The following LRBA variants were observed in gnomAD, a reference collection of about 807,000 sequenced individuals.
The protein encoded by LRBA is lipopolysaccharide-responsive and beige-like anchor protein.
LRBA carries 176 observed loss-of-function variants against 330.0 expected under a neutral mutation model. That is an observed-to-expected ratio of 0.53 (90% CI 0.47 to 0.60). The LOEUF (loss-of-function observed/expected upper bound fraction) is 0.60. Among genes scored for constraint, LRBA ranks in the 20% least tolerant of loss-of-function variants. The pLI, the probability that LRBA is intolerant of heterozygous loss-of-function variation, is 0.00. For missense variants in LRBA, 3,259 were observed against 3,444.8 expected (o/e 0.95, Z 1.35); for synonymous variants, 1,230 against 1,193.0 (o/e 1.03, Z -0.64).
At position 150,908,819 on chromosome 4, in the gene LRBA, A is replaced by T; in HGVS notation, c.1200T>A (p.Leu400=). 6.2e-7 allele frequency: 1 copy of T among 1,613,768 alleles called. No individual in the cohort carries two copies. Among genetic ancestry groups the T allele is most frequent in the South Asian group, 1.1e-5 (1 of 90,996 alleles). Residue 400 remains leucine (L), a synonymous_variant, in exon 10 of 57, where the codon CTT becomes CTA. Coordinates refer to ENST00000651943, the MANE Select transcript of LRBA (RefSeq NM_001364905.1). The stretch of plus-strand genomic sequence containing the variant: ...ACAATAAAAGTTTGTGATGCTCAGC[A>T]AGGAAAAGGTCGCTTTCTGCTTTGA... ...FKFKAESDLF[L]AEHHKLLLYD... is the part of the protein sequence containing the mutation.
At chr4:150,577,522 A>G (rs1770702898) in intron 40 of LRBA, among the ~76,000 whole-genome samples, 1 of 152,054 alleles carries the variant, frequency 6.6e-6, no homozygotes, top group Non-Finnish European at 1.5e-5. Context: ...TTTAGAGGAT[A>G]AGACTATATA....
intron 17 of LRBA, among the ~76,000 whole-genome samples, chr4:150,881,862 G>C (rs781467617): frequency 3.3e-5 from 5 of 152,114 alleles, no homozygotes; most frequent in Non-Finnish European, 5.9e-5. Flanking sequence ...CGAGGTGGGC[G>C]GATCACCTGA....
chr4:150,707,620 T>A (rs1785760796), intron 36 of LRBA, among the ~76,000 whole-genome samples: 3 of 151,646 alleles, frequency 2.0e-5, no homozygotes, highest in Admixed American at 2.0e-4. Context: ...AATCCATTTG[T>A]CCTAGAATTG....
chr4:150,360,169 T>TAA (rs1738484167), intron 47 of LRBA, among the ~76,000 whole-genome samples: 1 of 151,952 alleles, frequency 6.6e-6, no homozygotes, highest in African/African-American at 2.4e-5. Context: ...AAATTTTTTT[T>TAA]AAAAAATGAC....
In LRBA at chr4:150,768,927, C is replaced by CTTT. The variant is rs70941440; in HGVS notation, c.5581-7083_5581-7081dup. 3.7e-4 allele frequency among the ~76,000 whole-genome samples: 28 copies of CTTT among 75,064 alleles called. 2 individuals are homozygous for CTTT. Among genetic ancestry groups the CTTT allele is most frequent in the African/African-American group, 1.0e-3 (20 of 19,706 alleles). The allele number at this position is 75,064 out of a possible 152,430, so 49.2% of individuals were successfully genotyped here. Reference sequence around the variant, plus strand: ...TAGGGATTTTATCAAGTGCTGTCTCCTTTTTTTTTTTTTTTTTTTTTTTTT... The same window carrying CTTT: ...TAGGGATTTTATCAAGTGCTGTCTCCTTTTTTTTTTTTTTTTTTTTTTTTTTTT... On this transcript the variant is annotated intron_variant, in intron 34 of 56. Coordinates refer to ENST00000651943, the MANE Select transcript of LRBA (RefSeq NM_001364905.1).
chr4:150,422,872 C>T (rs1388044258), intron 46 of LRBA: 5 of 1,115,386 alleles, frequency 4.5e-6, no homozygotes, highest in Non-Finnish European at 4.1e-6. Context: ...ACCAGGGCCT[C>T]CTAACATGGA....
At chr4:150,576,007 T>C (rs1770491379) in intron 40 of LRBA, among the ~76,000 whole-genome samples, 2 of 151,790 alleles carry the variant, frequency 1.3e-5, no homozygotes, top group African/African-American at 4.8e-5. Flanking sequence ...CAAAGAATAA[T>C]CCACAAATTA....
intron 44 of LRBA, among the ~76,000 whole-genome samples, chr4:150,467,411 A>G (rs1189395340): frequency 1.3e-5 from 2 of 152,120 alleles, no homozygotes; most frequent in African/African-American, 2.4e-5. Context: ...AATAAAAGTG[A>G]TATTTTAAAT....
intron 37 of LRBA, among the ~76,000 whole-genome samples, chr4:150,632,645 A>G (rs1010407326): frequency 4.6e-5 from 7 of 151,724 alleles, no homozygotes; most frequent in Non-Finnish European, 1.0e-4. Flanking sequence ...CTCTCCTCCT[A>G]TCTCTCTCTC....
chr4:150,501,614 A>G (rs942313008), intron 40 of LRBA, among the ~76,000 whole-genome samples: 4 of 152,054 alleles, frequency 2.6e-5, no homozygotes, highest in Non-Finnish European at 4.4e-5. Context: ...CAAAAAAAAA[A>G]GGTATCTACA....
At chr4:150,854,853 G>A (rs1461769601) in intron 22 of LRBA, among the ~76,000 whole-genome samples, 1 of 152,192 alleles carries the variant, frequency 6.6e-6, no homozygotes, top group Non-Finnish European at 1.5e-5. Flanking sequence ...ATGTGGCCAC[G>A]AGCTAGATTA....
intron 50 of LRBA, among the ~76,000 whole-genome samples, chr4:150,320,133 G>A (rs951468149): frequency 6.6e-6 from 1 of 152,160 alleles, no homozygotes; most frequent in African/African-American, 2.4e-5. Context: ...TCTAATGAGA[G>A]AGAATACATT....
intron 40 of LRBA, among the ~76,000 whole-genome samples, chr4:150,577,802 T>G (rs1307057076): frequency 6.6e-6 from 1 of 152,184 alleles, no homozygotes; most frequent in African/African-American, 2.4e-5. Flanking sequence ...AGTAAATACA[T>G]TTTTAAGTAA....
At chr4:150,389,261 G>C (rs1254429742) in intron 47 of LRBA, among the ~76,000 whole-genome samples, 1 of 152,126 alleles carries the variant, frequency 6.6e-6, no homozygotes, top group Non-Finnish European at 1.5e-5. Flanking sequence ...GGCTGAGGTG[G>C]GAGGATTGCT....
chr4:150,497,266 G>C (rs992135267), intron 40 of LRBA, among the ~76,000 whole-genome samples: 5 of 152,022 alleles, frequency 3.3e-5, no homozygotes, highest in African/African-American at 4.8e-5. Flanking sequence ...TTGGTTCAAG[G>C]ATTTACTTCA....
At position 150,849,407 on chromosome 4, in the gene LRBA, T is replaced by G; in HGVS notation, c.4158+15A>C. ...ATGTTTTCACACCAATTTTCTATAG[T>G]AATTAAGTCCTTACTGTAGCCGATG... On this transcript the variant is annotated intron_variant, in intron 25 of 56. Coordinates refer to ENST00000651943, the MANE Select transcript of LRBA (RefSeq NM_001364905.1). 6.2e-7 allele frequency: 1 copy of G among 1,610,972 alleles called. No individual in the cohort carries two copies. The highest frequency in any genetic ancestry group is 8.5e-7 in the Non-Finnish European group (1 of 1,178,550).
intron 37 of LRBA, among the ~76,000 whole-genome samples, chr4:150,612,723 T>TA (rs1243376505): frequency 1.3e-5 from 2 of 152,142 alleles, no homozygotes; most frequent in Non-Finnish European, 2.9e-5. Flanking sequence ...CCTTAAGAAA[T>TA]ACTCATATGA....
At chr4:150,690,953 A>T (rs1265713916) in intron 36 of LRBA, among the ~76,000 whole-genome samples, 1 of 139,270 alleles carries the variant, frequency 7.2e-6, no homozygotes, top group Non-Finnish European at 1.5e-5. Context: ...TTTTTTAGAC[A>T]GAGTCTCGCT....
chr4:150,453,855 T>C (rs1286278018), intron 44 of LRBA, among the ~76,000 whole-genome samples: 1 of 152,220 alleles, frequency 6.6e-6, no homozygotes, highest in Non-Finnish European at 1.5e-5. Flanking sequence ...ACCTCTTTTC[T>C]TCCTTTTCCT....
Sources: gnomAD v4.1 joint callset for allele counts (sites outside exome capture counted in the v4.1 genomes callset) on GRCh38, gnomAD v4.1.1 for gene constraint, MANE v1.5 for transcripts, NCBI Gene and HGNC (gene_info 2026-07-23, HGNC 2026-07-21) for gene names.